Variants in NPM1 observed in about 807,000 individuals in gnomAD.
NPM1 encodes the protein nucleophosmin.
A neutral mutation model predicts 44.1 loss-of-function variants in NPM1; 1 was observed. The observed-to-expected ratio is 0.02, with a 90% CI of 0.01 to 0.11. The LOEUF (loss-of-function observed/expected upper bound fraction) is 0.11. Ranked by LOEUF, NPM1 falls within the 10% of genes least tolerant of loss-of-function variation. The pLI, the probability that NPM1 is intolerant of heterozygous loss-of-function variation, is 1.00. For missense variants in NPM1, 197 were observed against 347.8 expected (o/e 0.57, Z 3.45); for synonymous variants, 126 against 111.8 (o/e 1.13, Z -0.80).
intron 2 of NPM1, among the ~76,000 whole-genome samples, chr5:171,390,862 ACAGG>A (rs1770538328): frequency 6.6e-6 from 1 of 152,048 alleles, no homozygotes; most frequent in Non-Finnish European, 1.5e-5. Flanking sequence ...AGCTGGGATT[ACAGG>A]CATGTGCCAC....
At chr5:171,400,338 T>C (rs1001349289) in intron 7 of NPM1, 128 bp downstream of exon 7, 5 of 528,122 alleles carry the variant, frequency 9.5e-6, no homozygotes, top group Admixed American at 9.8e-5. Context: ...AAATTAGTCC[T>C]GAGGAGGATT....
At chr5:171,393,526 A>C (rs1396994956) in intron 6 of NPM1, among the ~76,000 whole-genome samples, 1 of 152,320 alleles carries the variant, frequency 6.6e-6, no homozygotes, top group East Asian at 1.9e-4. Context: ...TTTATATTAA[A>C]CTAGATCAAA....
In NPM1 at chr5:171,410,811, C is replaced by T. The variant is rs1234474440; in HGVS notation, c.*246C>T. ...ATGTTATGATAGGACATAGTAGTAG[C>T]GGTGGTCAGACATGGAAATGGTGGG... On this transcript the variant is annotated 3_prime_UTR_variant, in exon 11 of 11. Transcript: ENST00000296930. 8.3e-6 allele frequency: 3 copies of T among 361,868 alleles called. No individual in the cohort carries two copies. Among genetic ancestry groups the T allele is most frequent in the Non-Finnish European group, 1.5e-5 (3 of 202,592 alleles). The allele number at this position is 361,868 out of a possible 1,614,324, so 22.4% of individuals were successfully genotyped here.
At chr5:171,404,872 G>A (rs1452526614) in intron 8 of NPM1, among the ~76,000 whole-genome samples, 7 of 152,174 alleles carry the variant, frequency 4.6e-5, no homozygotes, top group African/African-American at 1.2e-4. Flanking sequence ...ACGAGACTCT[G>A]TCTGCCCTGA....
chr5:171,401,427 C>G (rs1446160050), intron 8 of NPM1, among the ~76,000 whole-genome samples: 1 of 151,660 alleles, frequency 6.6e-6, no homozygotes, highest in African/African-American at 2.4e-5. Context: ...GGTGGTGGGG[C>G]GGGGGGAGCC....
chr5:171,403,625 CGGGCAGGGGGGCTG>C (rs1771361958), intron 8 of NPM1, among the ~76,000 whole-genome samples: 1 of 118,740 alleles, frequency 8.4e-6, no homozygotes. Context: ...GGCGGCTGGC[CGGGCAGGGGGGCTG>C]ACCCCCCCCA....
rs1324989400 is a variant in NPM1, at chr5:171,390,106, T to G, written c.114T>G (p.Asn38Lys). The G allele has an allele frequency of 7.6e-6, 12 of 1,568,826 alleles. No homozygotes were observed. The highest frequency in any genetic ancestry group is 1.0e-5 in the Non-Finnish European group (12 of 1,159,232). Residue 38 changes from asparagine (N) to lysine (K), a missense_variant, in exon 2 of 11, where the codon AAT becomes AAG. Physicochemically the swap from Asn to Lys is moderately conservative, Grantham distance 94. Around this residue, in one of 5 missense-constraint regions of NPM1, gnomAD observed 43 missense variants for 109.6 expected, o/e 0.39. Transcript: ENST00000296930. ...DYHFKVDNDE[N>K]EHQLSLRTVS... ...ACTTTAAGGTGGATAATGATGAAAATGAGCACCAGTTATCTTTAAGAACGG... is the reference window on the plus strand; with the variant it reads ...ACTTTAAGGTGGATAATGATGAAAAGGAGCACCAGTTATCTTTAAGAACGG...
At position 171,388,011 on chromosome 5, in the gene NPM1, C is replaced by T. The variant is rs762463718; in HGVS notation, c.58+5C>T. The T allele has an allele frequency of 2.9e-6, 4 of 1,394,720 alleles. No homozygotes were observed. The highest frequency in any genetic ancestry group is 2.4e-4 in the Middle Eastern group (1 of 4,154). 86.4% of individuals were successfully genotyped at this position (1,394,720 alleles called of 1,614,324 possible). On this transcript the variant is annotated splice_donor_5th_base_variant and intron_variant, in intron 1 of 10. Coordinates refer to ENST00000296930, the MANE Select transcript of NPM1 (RefSeq NM_002520.7). Reference sequence around the variant, plus strand: ...GGCCCCAGAACTATCTTTTCGGTAACTGCTGGGGGGAGCTGGAGCGAGGCC... The same window carrying T: ...GGCCCCAGAACTATCTTTTCGGTAATTGCTGGGGGGAGCTGGAGCGAGGCC...
At chr5:171,393,433 T>C (rs1485389946) in intron 6 of NPM1, among the ~76,000 whole-genome samples, 1 of 152,242 alleles carries the variant, frequency 6.6e-6, no homozygotes, top group African/African-American at 2.4e-5. Context: ...TATGTAGATA[T>C]TTATTGACAA....
intron 9 of NPM1, chr5:171,405,678 AATAG>A: frequency 2.6e-6 from 1 of 384,956 alleles, no homozygotes; most frequent in Middle Eastern, 7.6e-4. Context: ...TCCATGTTAA[AATAG>A]ATCAGTGAAA....
intron 10 of NPM1, among the ~76,000 whole-genome samples, chr5:171,409,753 C>T (rs1488810504): frequency 1.3e-5 from 2 of 152,068 alleles, no homozygotes; most frequent in Non-Finnish European, 2.9e-5. Context: ...GGTGATCCAA[C>T]ACCTTGGCCT....
In NPM1 at chr5:171,387,932, G is replaced by A; in HGVS notation, c.-17G>A. On this transcript the variant is annotated 5_prime_UTR_variant, in exon 1 of 11. In the 5' UTR this introduces an upstream ATG that the reference lacks. Transcript: ENST00000296930. ...TCCGTCCGCCTTCTCTCCTACCTAA[G>A]TGCGTGCCGCCACCCGATGGAAGAT... is the stretch of plus-strand genomic sequence containing the variant. 1 of 1,611,186 alleles carries A rather than the reference G, an allele frequency of 6.2e-7. No homozygotes were observed.
At chr5:171,394,823 G>GAGT (rs1200458559) in intron 6 of NPM1, among the ~76,000 whole-genome samples, 12 of 152,248 alleles carry the variant, frequency 7.9e-5, no homozygotes, top group Admixed American at 7.9e-4. Flanking sequence ...AAAGGCTTTG[G>GAGT]AGTAGGACCT....
chr5:171,406,340 T>C, intron 9 of NPM1: 1 of 1,488,394 alleles, frequency 6.7e-7, no homozygotes, highest in Non-Finnish European at 9.4e-7. Flanking sequence ...AATGACATCT[T>C]TTAGATGCCC....
intron 6 of NPM1, among the ~76,000 whole-genome samples, chr5:171,395,736 C>T (rs1342665245): frequency 6.6e-6 from 1 of 152,144 alleles, no homozygotes; most frequent in Non-Finnish European, 1.5e-5. Flanking sequence ...GTTATAGTTA[C>T]TTAGAAATCT....
chr5:171,410,410 A>T, intron 10 of NPM1, 117 bp from the exon 11 acceptor site: 1 of 570,038 alleles, frequency 1.8e-6, no homozygotes, highest in Non-Finnish European at 3.0e-6. Context: ...ATCTAGAGTT[A>T]ACTCTCTGGT....
At chr5:171,403,493 T>C (rs1195493735) in intron 8 of NPM1, among the ~76,000 whole-genome samples, 1 of 121,928 alleles carries the variant, frequency 8.2e-6, no homozygotes, top group Non-Finnish European at 1.8e-5. Context: ...GCCATCGTCA[T>C]CCTGGCCCGT....
rs772337921 is a variant in NPM1 at position 171,400,202 on chromosome 5, G to A, written c.574G>A (p.Val192Met). The A allele has an allele frequency of 1.9e-6, 3 of 1,613,474 alleles. No individual in the cohort carries two copies. The highest frequency in any genetic ancestry group is 3.3e-5 in the Admixed American group (2 of 60,018). The change falls in exon 7 of 11, where the codon GTG becomes ATG. Residue 192 changes from valine to methionine, a missense_variant. Transcript: ENST00000296930. ...TGAGGAAGCTGAAGAAAAAGCGCCA[G>A]TGAAGAAAGTGAGTAGATACAATGC... ...DDEEAEEKAP[V>M]KKSIRDTPAK...
chr5:171,393,015 A>G, intron 6 of NPM1, 37 bp downstream of exon 6: 1 of 1,590,514 alleles, frequency 6.3e-7, no homozygotes, highest in Non-Finnish European at 8.6e-7. Flanking sequence ...TACTTCCGGA[A>G]TCTTGACAAA....
Sources: gnomAD v4.1 joint callset for allele counts (sites outside exome capture counted in the v4.1 genomes callset) on GRCh38, gnomAD v4.1.1 for gene constraint, gnomAD v4.1.1 regional missense constraint, MANE v1.5 for transcripts, NCBI Gene and HGNC (gene_info 2026-07-23, HGNC 2026-07-21) for gene names.